Variants in ZMAT4 observed in about 807,000 individuals in gnomAD.
ZMAT4 encodes the protein zinc finger matrin-type 4, also known as zinc finger matrin-type protein 4.
In ZMAT4, 17 loss-of-function variants were observed where a neutral mutation model predicts 28.7. The ratio of observed to expected loss-of-function variants is 0.59; its 90% CI spans 0.41 to 0.89. The LOEUF (loss-of-function observed/expected upper bound fraction) is 0.89. Among genes scored for constraint, ZMAT4 ranks in the 40% least tolerant of loss-of-function variants. ZMAT4 has a pLI of 0.00. For missense variants in ZMAT4, 240 were observed against 283.8 expected, an observed-to-expected ratio of 0.85 and a Z score of 1.11; for synonymous variants, 117 against 109.2, an observed-to-expected ratio of 1.07 and a Z score of -0.44.
intron 2 of ZMAT4, among the ~76,000 whole-genome samples, chr8:40,775,415 CGGT>C (rs1297877657): frequency 2.0e-5 from 3 of 152,132 alleles, no homozygotes; most frequent in Non-Finnish European, 1.5e-5. Context: ...ACAGAGTGCA[CGGT>C]GGAGGAAACG....
At chr8:40,679,194 G>A (rs1373706266) in intron 4 of ZMAT4, among the ~76,000 whole-genome samples, 1 of 152,138 alleles carries the variant, frequency 6.6e-6, no homozygotes, top group African/African-American at 2.4e-5. Flanking sequence ...GATTTGTCAA[G>A]GAGTATGTTA....
In ZMAT4 at chr8:40,712,630, A is replaced by G. The variant is rs80301444; in HGVS notation, c.193-15229T>C. Among the ~76,000 whole-genome samples, 778 of 152,340 alleles carry G rather than the reference A, an allele frequency of 5.1e-3. 2 individuals are homozygous for G. Among genetic ancestry groups the G allele is most frequent in the African/African-American group, 0.017 (696 of 41,582 alleles). On this transcript the variant is annotated intron_variant, in intron 3 of 6. Coordinates refer to ENST00000297737, the MANE Select transcript of ZMAT4 (RefSeq NM_024645.3). ...AATGCAGCTCCCCACCTTACCCACA[A>G]ACAGACAGGCTACATGGGCAGACAG...
intron 3 of ZMAT4, among the ~76,000 whole-genome samples, chr8:40,765,137 G>C (rs189654694): frequency 3.9e-5 from 6 of 152,130 alleles, no homozygotes; most frequent in Non-Finnish European, 8.8e-5. Flanking sequence ...CACTCACCCA[G>C]AACAGCAGTC....
At chr8:40,689,372 G>A (rs577237869) in intron 4 of ZMAT4, among the ~76,000 whole-genome samples, 44 of 152,310 alleles carry the variant, frequency 2.9e-4, no homozygotes, top group African/African-American at 1.1e-3. Flanking sequence ...AACCTTCAGG[G>A]TCAGAGAACA....
intron 5 of ZMAT4, among the ~76,000 whole-genome samples, chr8:40,607,927 G>C (rs1382611425): frequency 6.6e-6 from 1 of 152,094 alleles, no homozygotes; most frequent in African/African-American, 2.4e-5. Context: ...CGCTCCAGTG[G>C]AGGCAGCAGG....
chr8:40,625,093 G>A (rs1037707443), intron 5 of ZMAT4, among the ~76,000 whole-genome samples: 3 of 152,198 alleles, frequency 2.0e-5, no homozygotes. Context: ...GCGGGTGGTA[G>A]CCATATGAAG....
intron 2 of ZMAT4, among the ~76,000 whole-genome samples, chr8:40,791,755 A>G (rs1814335250): frequency 6.6e-6 from 1 of 152,214 alleles, no homozygotes; most frequent in Admixed American, 6.5e-5. Context: ...ACTGAGCAGC[A>G]TATTCTGCCA....
intron 1 of ZMAT4, among the ~76,000 whole-genome samples, chr8:40,877,043 A>C (rs1818064701): frequency 6.6e-6 from 1 of 152,252 alleles, no homozygotes; most frequent in Non-Finnish European, 1.5e-5. Flanking sequence ...TGTCAAATTA[A>C]AACGAGACCA....
At chr8:40,734,040 G>A (rs1455081637) in intron 3 of ZMAT4, among the ~76,000 whole-genome samples, 1 of 152,288 alleles carries the variant, frequency 6.6e-6, no homozygotes, top group Middle Eastern at 3.4e-3. Context: ...TAGTTCCTAG[G>A]TAAGACTCAA....
Position 40,877,368 on chromosome 8 carries a change from G to C in ZMAT4, c.-5+20315C>G, listed in dbSNP as rs758422515. 1.2e-3 allele frequency among the ~76,000 whole-genome samples: 182 copies of C among 152,254 alleles called. 4 individuals are homozygous for C. The highest frequency in any genetic ancestry group is 7.4e-5 in the Non-Finnish European group (5 of 68,010). ...CTAATACAATAGTTAACGATCCTCT[G>C]TGTGGCTGTGAAGTCCCCAGGAATA... On this transcript the variant is annotated intron_variant, in intron 1 of 6. Coordinates refer to ENST00000297737, the MANE Select transcript of ZMAT4 (RefSeq NM_024645.3).
At chr8:40,667,834 T>TAAAAAAAAAAAAAAAAA (rs112035846) in intron 5 of ZMAT4, among the ~76,000 whole-genome samples, 1 of 134,494 alleles carries the variant, frequency 7.4e-6, no homozygotes, top group South Asian at 2.3e-4. Context: ...GTCCATTATT[T>TAAAAAAAAAAAAAAAAA]AAAAAAAAAA....
intron 5 of ZMAT4, among the ~76,000 whole-genome samples, chr8:40,663,074 C>T (rs1808268591): frequency 6.6e-6 from 1 of 152,168 alleles, no homozygotes; most frequent in Admixed American, 6.5e-5. Flanking sequence ...AAATACAGTT[C>T]CGCTTTGCCT....
chr8:40,805,682 C>T (rs1217362067), intron 2 of ZMAT4, among the ~76,000 whole-genome samples: 2 of 148,106 alleles, frequency 1.4e-5, no homozygotes, highest in Admixed American at 6.7e-5. Context: ...AGTAAACTAT[C>T]GCAAGAACAA....
chr8:40,789,489 T>A (rs1448786798), intron 2 of ZMAT4, among the ~76,000 whole-genome samples: 9 of 152,102 alleles, frequency 5.9e-5, no homozygotes, highest in Admixed American at 5.9e-4. Flanking sequence ...AAAACAAAAA[T>A]TAGATAACAC....
chr8:40,745,657 C>T (rs1476731831), intron 3 of ZMAT4, among the ~76,000 whole-genome samples: 1 of 152,176 alleles, frequency 6.6e-6, no homozygotes, highest in Non-Finnish European at 1.5e-5. Flanking sequence ...GCAGATGGCA[C>T]ATTCCTTAAC....
intron 2 of ZMAT4, among the ~76,000 whole-genome samples, chr8:40,788,983 G>A (rs535453286): frequency 7.4e-6 from 1 of 135,076 alleles, no homozygotes; most frequent in Admixed American, 7.3e-5. Flanking sequence ...GAGGGAGGGA[G>A]GGAGGAAGGG....
rs1014982900 is a variant in ZMAT4 at position 40,873,256 on chromosome 8, C to T, written c.-5+24427G>A. Among the ~76,000 whole-genome samples, 6 of 152,148 alleles carry T rather than the reference C, an allele frequency of 3.9e-5. No individual in the cohort carries two copies. The South Asian group carries it at 1.0e-3, about 26-fold the overall frequency. ...AGAAAAGATAATGCTAATGTTGCTTCCTATTTGTTTTTCTGGCTACAAAAA... is the reference window on the plus strand; with the variant it reads ...AGAAAAGATAATGCTAATGTTGCTTTCTATTTGTTTTTCTGGCTACAAAAA... On this transcript the variant is annotated intron_variant, in intron 1 of 6. Coordinates refer to ENST00000297737, the MANE Select transcript of ZMAT4 (RefSeq NM_024645.3).
At chr8:40,778,222 G>T (rs1813687258) in intron 2 of ZMAT4, among the ~76,000 whole-genome samples, 1 of 151,892 alleles carries the variant, frequency 6.6e-6, no homozygotes, top group Admixed American at 6.5e-5. Flanking sequence ...AAATTCCTAG[G>T]GTGCACTTAA....
At chr8:40,785,434 T>A (rs1363626117) in intron 2 of ZMAT4, among the ~76,000 whole-genome samples, 1 of 152,338 alleles carries the variant, frequency 6.6e-6, no homozygotes, top group African/African-American at 2.4e-5. Context: ...CAATGTACTG[T>A]AGGTGTCCAA....
Sources: gnomAD v4.1 joint callset for allele counts (sites outside exome capture counted in the v4.1 genomes callset) on GRCh38, gnomAD v4.1.1 for gene constraint, MANE v1.5 for transcripts, NCBI Gene and HGNC (gene_info 2026-07-23, HGNC 2026-07-21) for gene names.